Variants in TMIGD3 observed in about 807,000 individuals in gnomAD.
TMIGD3 encodes the protein AD026 protein (AD026).
In TMIGD3, 21 loss-of-function variants were observed where a neutral mutation model predicts 28.1. The ratio of observed to expected loss-of-function variants is 0.75; its 90% CI spans 0.53 to 1.08. TMIGD3 has a LOEUF of 1.08. Among genes scored for constraint, TMIGD3 ranks in the 50% least tolerant of loss-of-function variants. The pLI is 0.00. For synonymous variants in TMIGD3, 151 were observed against 162.1 expected, an observed-to-expected ratio of 0.93 and a Z score of 0.52; for missense variants, 416 against 435.6, an observed-to-expected ratio of 0.96 and a Z score of 0.40.
intron 1 of TMIGD3, among the ~76,000 whole-genome samples, chr1:111,540,642 G>A (rs1370103192): frequency 6.6e-6 from 1 of 152,144 alleles, no homozygotes; most frequent in Non-Finnish European, 1.5e-5. Context: ...CAAACTTCAT[G>A]CTCCAGCATG....
intron 1 of TMIGD3, among the ~76,000 whole-genome samples, chr1:111,534,878 T>C (rs1656588870): frequency 6.6e-6 from 1 of 152,180 alleles, no homozygotes; most frequent in African/African-American, 2.4e-5. Context: ...ATCTTATGTA[T>C]AGGAATCAGT....
chr1:111,502,630 G>A (rs954803264), intron 1 of TMIGD3, among the ~76,000 whole-genome samples: 2 of 150,334 alleles, frequency 1.3e-5, no homozygotes, highest in Non-Finnish European at 3.0e-5. Context: ...TTATCTGCCT[G>A]CTTCTCCTAA....
chr1:111,507,618 T>C (rs1655553935), upstream of TMIGD3, among the ~76,000 whole-genome samples: 1 of 152,202 alleles, frequency 6.6e-6, no homozygotes, highest in Non-Finnish European at 1.5e-5. Flanking sequence ...AAAAGGCCTC[T>C]GGAGCCCTAG....
At chr1:111,507,928 G>A (rs1393840121), upstream of TMIGD3, among the ~76,000 whole-genome samples, 3 of 152,244 alleles carry the variant, frequency 2.0e-5, no homozygotes, top group Admixed American at 1.3e-4. Context: ...CCGGGGGTCA[G>A]GCTGGGCTTT....
chr1:111,507,007 A>ACG (rs1557827895), upstream of TMIGD3, among the ~76,000 whole-genome samples: 124 of 79,770 alleles, frequency 1.6e-3, no homozygotes, highest in Middle Eastern at 5.4e-3. Flanking sequence ...ATACACACAC[A>ACG]TATGTGTGTG....
chr1:111,543,784 G>T (rs1217857412), intron 1 of TMIGD3, among the ~76,000 whole-genome samples: 1 of 152,076 alleles, frequency 6.6e-6, no homozygotes, highest in Non-Finnish European at 1.5e-5. Flanking sequence ...AACAAAAATA[G>T]CATTACCCCT....
At chr1:111,537,641 T>G (rs1307986211) in intron 1 of TMIGD3, among the ~76,000 whole-genome samples, 1 of 152,220 alleles carries the variant, frequency 6.6e-6, no homozygotes, top group East Asian at 1.9e-4. Context: ...AAAGAGGAGC[T>G]TTCCCTTTTA....
chr1:111,525,283 A>C (rs1219751109), intron 1 of TMIGD3, among the ~76,000 whole-genome samples: 1 of 152,142 alleles, frequency 6.6e-6, no homozygotes, highest in African/African-American at 2.4e-5. Flanking sequence ...TTTGACTATA[A>C]TTGTGAATTT....
chr1:111,502,544 C>T (rs923427271), intron 1 of TMIGD3, among the ~76,000 whole-genome samples: 1 of 147,988 alleles, frequency 6.8e-6, no homozygotes, highest in Non-Finnish European at 1.5e-5. Flanking sequence ...GAAGTAGGCA[C>T]AGAATAGGAA....
chr1:111,542,725 C>T (rs1258473517), intron 1 of TMIGD3, among the ~76,000 whole-genome samples: 3 of 151,498 alleles, frequency 2.0e-5, no homozygotes, highest in Non-Finnish European at 2.9e-5. Context: ...GAGATGGAGT[C>T]TCACCCTGTC....
At chr1:111,506,404 A>G (rs982125331), upstream of TMIGD3, among the ~76,000 whole-genome samples, 3 of 152,364 alleles carry the variant, frequency 2.0e-5, no homozygotes, top group Admixed American at 2.0e-4. Flanking sequence ...AGCAGCTTCT[A>G]TTCACAGACT....
chr1:111,508,903 T>C (rs942112872), intron 1 of TMIGD3, among the ~76,000 whole-genome samples: 3 of 152,330 alleles, frequency 2.0e-5, no homozygotes, highest in African/African-American at 7.2e-5. Flanking sequence ...TAGACCAGCG[T>C]GACCAACGTG....
At chr1:111,513,996 G>C (rs751089892) in intron 1 of TMIGD3, among the ~76,000 whole-genome samples, 10 of 152,146 alleles carry the variant, frequency 6.6e-5, no homozygotes, top group Non-Finnish European at 1.2e-4. Flanking sequence ...GAGGGCAAAG[G>C]GTGAAGCCTC....
At chr1:111,520,790 T>C (rs1234082060) in intron 1 of TMIGD3, among the ~76,000 whole-genome samples, 1 of 152,250 alleles carries the variant, frequency 6.6e-6, no homozygotes, top group Non-Finnish European at 1.5e-5. Context: ...TATATGTTTG[T>C]GTGCTGGTAG....
chr1:111,539,693 T>C (rs367595012), intron 1 of TMIGD3, among the ~76,000 whole-genome samples: 1 of 152,130 alleles, frequency 6.6e-6, no homozygotes, highest in South Asian at 2.1e-4. Context: ...CTACTCCCAG[T>C]CTCCACTGTC....
chr1:111,554,612 A>AT (rs1657405240), intron 1 of TMIGD3, among the ~76,000 whole-genome samples: 2 of 152,360 alleles, frequency 1.3e-5, no homozygotes, highest in South Asian at 4.1e-4. Context: ...GAATAATTAA[A>AT]AGAGACACAC....
chr1:111,558,169 A>G lies in TMIGD3; in HGVS notation c.107+5677T>C, dbSNP rs534021441. On this transcript the variant is annotated intron_variant, in intron 1 of 5. Coordinates refer to the TMIGD3 transcript ENST00000369717. ...CAAACTCTTTGGGTTAAAAAAGTCA[A>G]TATGGAAATTTTTTTCTTTTTGTTT... Among the ~76,000 whole-genome samples, 4 of 152,204 alleles carry G rather than the reference A, an allele frequency of 2.6e-5. No individual in the cohort carries two copies. The South Asian group carries it at 8.3e-4, about 32-fold the overall frequency.
At chr1:111,542,161 G>A (rs753523332) in intron 1 of TMIGD3, 20 of 397,668 alleles carry the variant, frequency 5.0e-5, no homozygotes, top group Non-Finnish European at 5.1e-6. Context: ...TAATTGAGTA[G>A]ATGCCTTGGA....
intron 1 of TMIGD3, among the ~76,000 whole-genome samples, chr1:111,536,123 T>C (rs10489796): frequency 0.2 from 30,367 of 152,140 alleles, 3,569 homozygotes; most frequent in East Asian, 0.47. Flanking sequence ...TGAGAAATAG[T>C]CCTTCAGCTC....
Sources: allele counts gnomAD v4.1 joint callset (sites outside exome capture counted in the v4.1 genomes callset), GRCh38; gene constraint gnomAD v4.1.1; transcripts MANE v1.5; gene names NCBI Gene and HGNC (gene_info 2026-07-23, HGNC 2026-07-21).